CMPK1: variants seen among roughly 807,000 people sequenced by gnomAD.
CMPK1 encodes cytidine/uridine monophosphate kinase 1.
A neutral mutation model predicts 25.7 loss-of-function variants in CMPK1; 10 were observed. The observed-to-expected ratio is 0.39, with a 90% CI of 0.24 to 0.66. The LOEUF (loss-of-function observed/expected upper bound fraction) is 0.66. Among genes scored for constraint, CMPK1 ranks in the 30% least tolerant of loss-of-function variants. The pLI is 0.48. For synonymous variants in CMPK1, 106 were observed against 101.5 expected (o/e 1.04, Z -0.27); for missense variants, 199 against 280.5 (o/e 0.71, Z 2.08).
At chr1:47,335,717 C>T (rs561443709) in intron 1 of CMPK1, among the ~76,000 whole-genome samples, 1 of 150,792 alleles carries the variant, frequency 6.6e-6, no homozygotes, top group South Asian at 2.1e-4. Flanking sequence ...CATTTACATC[C>T]TCTTAAAAAA....
chr1:47,338,139 C>T (rs559654349), intron 1 of CMPK1, among the ~76,000 whole-genome samples: 7 of 152,056 alleles, frequency 4.6e-5, no homozygotes, highest in Non-Finnish European at 7.4e-5. Context: ...GAAATTGTTA[C>T]TTTAGTATGT....
chr1:47,349,493 C>A (rs55995731), intron 1 of CMPK1, among the ~76,000 whole-genome samples: 3,159 of 152,268 alleles, frequency 0.021, 58 homozygotes, highest in Non-Finnish European at 0.031. Context: ...TATAGTCACA[C>A]CCAAAAGGCA....
chr1:47,367,506 G>C (rs1646647605), intron 1 of CMPK1, among the ~76,000 whole-genome samples: 1 of 152,092 alleles, frequency 6.6e-6, no homozygotes, highest in Non-Finnish European at 1.5e-5. Flanking sequence ...TGGGAGTGTG[G>C]GCTGCCTCAA....
chr1:47,336,974 A>G (rs1028914993), intron 1 of CMPK1, among the ~76,000 whole-genome samples: 1 of 152,292 alleles, frequency 6.6e-6, no homozygotes, highest in African/African-American at 2.4e-5. Flanking sequence ...ATACTACTAC[A>G]CTGGTTAAAA....
At position 47,343,538 on chromosome 1, in the gene CMPK1, A is replaced by G. The variant is rs145879442; in HGVS notation, c.171+9422A>G. On this transcript the variant is annotated intron_variant, in intron 1 of 5. Coordinates refer to ENST00000371873, the MANE Select transcript of CMPK1 (RefSeq NM_016308.3). ...AAAAAAAGTCTCAAAAAAACCCACA[A>G]AACTTCCCTGTACTTGTCATTTATT... Among the ~76,000 whole-genome samples the G allele has an allele frequency of 7.8e-3, 1,179 of 151,580 alleles. 14 individuals are homozygous for G. Among genetic ancestry groups the G allele is most frequent in the African/African-American group, 0.027 (1,126 of 41,376 alleles).
intron 1 of CMPK1, among the ~76,000 whole-genome samples, chr1:47,344,918 A>T (rs1043194471): frequency 1.3e-5 from 2 of 151,268 alleles, no homozygotes; most frequent in African/African-American, 4.9e-5. Context: ...TTTTTCATTT[A>T]TTTATTTATT....
At chr1:47,346,226 T>C (rs1475955385) in intron 1 of CMPK1, among the ~76,000 whole-genome samples, 2 of 151,954 alleles carry the variant, frequency 1.3e-5, no homozygotes, top group African/African-American at 2.4e-5. Flanking sequence ...ATTTTTGTTT[T>C]GTTAGTAGAG....
At chr1:47,375,437 T>C (rs2253511) in intron 5 of CMPK1, 144 bp downstream of exon 5, 561,425 of 575,436 alleles carry the variant, frequency 0.98, 274,495 homozygotes, top group South Asian at 0.99. Flanking sequence ...TGGCTCATGC[T>C]TGTAATCCCA....
At chr1:47,340,792 C>T (rs979244294) in intron 1 of CMPK1, among the ~76,000 whole-genome samples, 1 of 152,132 alleles carries the variant, frequency 6.6e-6, no homozygotes, top group Admixed American at 6.6e-5. Flanking sequence ...CATGCGCCAC[C>T]ATGCCCGGCT....
At chr1:47,369,278 T>C (rs555439634) in intron 2 of CMPK1, among the ~76,000 whole-genome samples, 96 of 152,162 alleles carry the variant, frequency 6.3e-4, no homozygotes, top group Non-Finnish European at 1.0e-3. Context: ...AGTGCTGGGA[T>C]TACAGGAGAG....
At chr1:47,358,278 A>G (rs1317067892) in intron 1 of CMPK1, 2 of 513,714 alleles carry the variant, frequency 3.9e-6, no homozygotes, top group South Asian at 3.0e-5. Flanking sequence ...ATGACAGGCT[A>G]ATTTTTCCAT....
In CMPK1 at chr1:47,376,840, A is replaced by G; in HGVS notation, c.*95A>G. On this transcript the variant is annotated 3_prime_UTR_variant, in exon 6 of 6. Transcript: ENST00000371873. The stretch of plus-strand genomic sequence containing the variant: ...TTTAAGGCAATTCTAATCTTTCATA[A>G]CTACATCTCAATTAGTGGCTGGAAA... 1 of 674,334 alleles carries G rather than the reference A, an allele frequency of 1.5e-6. No individual in the cohort carries two copies. The highest frequency in any genetic ancestry group is 2.6e-6 in the Non-Finnish European group (1 of 384,180). The allele number at this position is 674,334 out of a possible 1,614,324, so 41.8% of individuals were successfully genotyped here.
At chr1:47,352,566 C>T (rs1161204439) in intron 1 of CMPK1, among the ~76,000 whole-genome samples, 3 of 152,086 alleles carry the variant, frequency 2.0e-5, no homozygotes, top group Non-Finnish European at 4.4e-5. Context: ...TTGACCAGTT[C>T]AAGGGCATAA....
chr1:47,374,876 C>T (rs1331883830), intron 3 of CMPK1, 33 bp from the exon 4 acceptor site: 1 of 1,512,902 alleles, frequency 6.6e-7, no homozygotes, highest in Non-Finnish European at 9.1e-7. Flanking sequence ...AAATTCATAT[C>T]TATATTTTTA....
chr1:47,369,787 C>G (rs1336880064), intron 2 of CMPK1, among the ~76,000 whole-genome samples: 1 of 151,072 alleles, frequency 6.6e-6, no homozygotes, highest in Non-Finnish European at 1.5e-5. Flanking sequence ...GTCTCGATCT[C>G]TTGACCTCAT....
In CMPK1 at chr1:47,341,769, G is replaced by A; in HGVS notation, c.171+7653G>A. ...TTCTCATGTCTCAGCCTCCCGAGTAGCTGGGATTACGCCCAGCTAATTTTT... is the reference window on the plus strand; with the variant it reads ...TTCTCATGTCTCAGCCTCCCGAGTAACTGGGATTACGCCCAGCTAATTTTT... On this transcript the variant is annotated intron_variant, in intron 1 of 5. Coordinates refer to ENST00000371873, the MANE Select transcript of CMPK1 (RefSeq NM_016308.3). Among the ~76,000 whole-genome samples the A allele has an allele frequency of 1.3e-5, 2 of 151,754 alleles. 1 individual carries two copies. Among genetic ancestry groups the A allele is most frequent in the Non-Finnish European group, 2.9e-5 (2 of 67,982 alleles).
chr1:47,351,690 A>G (rs1464021434), intron 1 of CMPK1, among the ~76,000 whole-genome samples: 5 of 152,210 alleles, frequency 3.3e-5, no homozygotes, highest in African/African-American at 9.6e-5. Context: ...ACCATTTTAC[A>G]TATCCACCAG....
chr1:47,342,209 G>A (rs1570352248), intron 1 of CMPK1, among the ~76,000 whole-genome samples: 1 of 152,148 alleles, frequency 6.6e-6, no homozygotes, highest in South Asian at 2.1e-4. Flanking sequence ...AGCCTCCCGA[G>A]TAGCTGGGAT....
At chr1:47,362,751 G>A (rs1310379788) in intron 1 of CMPK1, among the ~76,000 whole-genome samples, 2 of 152,134 alleles carry the variant, frequency 1.3e-5, no homozygotes, top group African/African-American at 2.4e-5. Context: ...GTGGATTTGC[G>A]ATGAAATATG....
Sources: gnomAD v4.1 joint callset for allele counts (sites outside exome capture counted in the v4.1 genomes callset) on GRCh38, gnomAD v4.1.1 for gene constraint, MANE v1.5 for transcripts, NCBI Gene and HGNC (gene_info 2026-07-23, HGNC 2026-07-21) for gene names.